ZNF469: variants seen among roughly 807,000 people sequenced by gnomAD.
ZNF469 encodes zinc finger protein 469.
In ZNF469, 1 loss-of-function variant was observed where a neutral mutation model predicts 1.0. The ratio of observed to expected loss-of-function variants is 1.00; its 90% CI spans 0.35 to 4.73. The LOEUF is 4.73. ZNF469 is among the 30% of genes most tolerant of loss of function. ZNF469 has a pLI of 0.16. For missense variants in ZNF469, 6,100 were observed against 5,356.3 expected, an observed-to-expected ratio of 1.14 and a Z score of -4.33; for synonymous variants, 2,703 against 2,363.4, an observed-to-expected ratio of 1.14 and a Z score of -4.17.
the ZNF469 span, among the ~76,000 whole-genome samples, chr16:88,352,304 G>A: frequency 1.3e-5 from 2 of 152,202 alleles, no homozygotes; most frequent in Non-Finnish European, 2.9e-5. Flanking sequence ...GTATTTTGTC[G>A]CAGTAAAGAA....
At chr16:88,232,992 C>T in the ZNF469 span, among the ~76,000 whole-genome samples, 11 of 152,162 alleles carry the variant, frequency 7.2e-5, no homozygotes, top group Non-Finnish European at 1.3e-4. Flanking sequence ...GGTGGGGCTG[C>T]CCTTGACCTT....
At chr16:88,364,920 A>G in the ZNF469 span, among the ~76,000 whole-genome samples, 82,164 of 152,042 alleles carry the variant, frequency 0.54, 23,607 homozygotes, top group African/African-American at 0.73. Context: ...AGCCAAGATC[A>G]CGCCACTGCA....
chr16:88,188,734 C>G, the ZNF469 span, among the ~76,000 whole-genome samples: 2 of 152,210 alleles, frequency 1.3e-5, no homozygotes, highest in African/African-American at 4.8e-5. Flanking sequence ...GCCCCTGTAG[C>G]TCTCGGGAGC....
the ZNF469 span, chr16:88,178,508 G>A: frequency 2.0e-5 from 3 of 152,176 alleles, no homozygotes; most frequent in Non-Finnish European, 4.4e-5. Flanking sequence ...CAACAGGAGT[G>A]TCGCTGCCCA....
At chr16:88,335,492 G>T in the ZNF469 span, among the ~76,000 whole-genome samples, 2 of 152,208 alleles carry the variant, frequency 1.3e-5, no homozygotes, top group African/African-American at 4.8e-5. Flanking sequence ...CTGGCACGGG[G>T]TCTCAGGGTG....
the ZNF469 span, among the ~76,000 whole-genome samples, chr16:88,143,541 C>T: frequency 6.6e-6 from 1 of 152,174 alleles, no homozygotes; most frequent in Admixed American, 6.5e-5. Flanking sequence ...TCTGCTCCCC[C>T]CATGCGTGGC....
the ZNF469 span, among the ~76,000 whole-genome samples, chr16:88,169,817 G>C: frequency 6.6e-6 from 1 of 152,170 alleles, no homozygotes; most frequent in Non-Finnish European, 1.5e-5. This position sits in a 1 kb window ranked among gnomAD's most constrained non-coding sequence, Gnocchi z 6.1. Flanking sequence ...TCCCACCAGC[G>C]GTGCATGAGG....
chr16:88,378,743 TC>T (rs1445778727), upstream of ZNF469, among the ~76,000 whole-genome samples: 4 of 152,198 alleles, frequency 2.6e-5, no homozygotes, highest in Non-Finnish European at 5.9e-5. Context: ...TGGGATGGGC[TC>T]TTTGCATCCT....
chr16:88,336,799 A>C, the ZNF469 span, among the ~76,000 whole-genome samples: 5 of 152,270 alleles, frequency 3.3e-5, no homozygotes, highest in East Asian at 7.7e-4. Flanking sequence ...GACCATCACC[A>C]CTATCTCATT....
chr16:88,337,222 G>A, the ZNF469 span, among the ~76,000 whole-genome samples: 2 of 152,316 alleles, frequency 1.3e-5, no homozygotes, highest in Non-Finnish European at 2.9e-5. Context: ...CATGTGGCAG[G>A]AAGGACCCAG....
chr16:88,372,054 GATTACCACCATCATCACC>G, the ZNF469 span, among the ~76,000 whole-genome samples: 1 of 21,094 alleles, frequency 4.7e-5, no homozygotes, highest in Non-Finnish European at 9.4e-5. Flanking sequence ...CCATCACCAT[GATTACCACCATCATCACC>G]ATCACCACCA....
the ZNF469 span, among the ~76,000 whole-genome samples, chr16:88,142,934 G>T: frequency 6.6e-6 from 1 of 152,192 alleles, no homozygotes; most frequent in Non-Finnish European, 1.5e-5. Flanking sequence ...GCCCCTCAGG[G>T]AGAGCCCCTG....
chr16:88,133,478 G>A, the ZNF469 span, among the ~76,000 whole-genome samples: 47 of 152,312 alleles, frequency 3.1e-4, no homozygotes, highest in African/African-American at 1.1e-3. Flanking sequence ...CTGAGTCCAG[G>A]CCTGACGCGG....
chr16:88,151,476 G>A, the ZNF469 span, among the ~76,000 whole-genome samples: 2 of 152,222 alleles, frequency 1.3e-5, no homozygotes, highest in Non-Finnish European at 2.9e-5. This position sits in a 1 kb window ranked among gnomAD's most constrained non-coding sequence, Gnocchi z 5.4. Flanking sequence ...ATTTCGCTTT[G>A]CGGTGCTCAC....
chr16:88,432,947 G>C lies in ZNF469; in HGVS notation c.5477G>C (p.Ser1826Thr). 1.1e-5 allele frequency: 17 copies of C among 1,550,418 alleles called. No homozygotes were observed. The highest frequency in any genetic ancestry group is 1.5e-5 in the Non-Finnish European group (17 of 1,146,990). ...GATGCCACCTGGCCTTTTGGTGCCAGTCCCAGCCATGCTGCCCAGGGACAT... is the reference window on the plus strand; with the variant it reads ...GATGCCACCTGGCCTTTTGGTGCCACTCCCAGCCATGCTGCCCAGGGACAT... Reference protein sequence around the residue: ...PLDATWPFGASPSHAAQGHSA... With the variant: ...PLDATWPFGATPSHAAQGHSA... Residue 1826 changes from serine to threonine, a missense_variant, in exon 3 of 3, where the codon AGT (serine) becomes ACT (threonine). Physicochemically the swap from Ser to Thr is moderately conservative, Grantham distance 58. Coordinates refer to ENST00000565624, the MANE Select transcript of ZNF469 (RefSeq NM_001367624.2).
In ZNF469 at chr16:88,428,833, C is replaced by T; in HGVS notation, c.1363C>T (p.Pro455Ser). ...CCCTTACCCCACACCTCCTGGGGGC[C>T]CCCTGGCTGCCACCAGGAGTATGTT... is the stretch of plus-strand genomic sequence containing the variant. ...AAPYPTPPGG[P>S]LAATRSMFFN... Residue 455 changes from proline (P) to serine (S), a missense_variant, in exon 3 of 3, where the codon CCC becomes TCC. Transcript: ENST00000565624. The T allele has an allele frequency of 6.5e-7, 1 of 1,547,954 alleles. No homozygotes were observed. Among genetic ancestry groups the T allele is most frequent in the Non-Finnish European group, 8.7e-7 (1 of 1,146,190 alleles).
chr16:88,225,185 C>G, the ZNF469 span, among the ~76,000 whole-genome samples: 41 of 152,380 alleles, frequency 2.7e-4, no homozygotes, highest in Non-Finnish European at 3.5e-4. Flanking sequence ...GCCACCTGCC[C>G]TCAGCCAGCC....
At chr16:88,153,229 C>T in the ZNF469 span, among the ~76,000 whole-genome samples, 4 of 152,314 alleles carry the variant, frequency 2.6e-5, no homozygotes, top group South Asian at 2.1e-4. Context: ...TGCACCACAG[C>T]GGAGCCTCCA....
chr16:88,315,837 G>A, the ZNF469 span, among the ~76,000 whole-genome samples: 1 of 152,186 alleles, frequency 6.6e-6, no homozygotes, highest in South Asian at 2.1e-4. Flanking sequence ...ACGGAGCAGC[G>A]GCAGGAAGAG....
Sources: allele counts gnomAD v4.1 joint callset (sites outside exome capture counted in the v4.1 genomes callset), GRCh38; gene constraint gnomAD v4.1.1; non-coding constraint Gnocchi (gnomAD v3.1); transcripts MANE v1.5; gene names NCBI Gene and HGNC (gene_info 2026-07-23, HGNC 2026-07-21).